Variants in ZSCAN18 observed in about 807,000 individuals in gnomAD.
ZSCAN18 encodes zinc finger and SCAN domain-containing protein 18.
A neutral mutation model predicts 31.1 loss-of-function variants in ZSCAN18; 16 were observed. The ratio of observed to expected loss-of-function variants is 0.51; its 90% CI spans 0.35 to 0.78. The LOEUF is 0.78. Ranked by LOEUF, ZSCAN18 falls within the 30% of genes least tolerant of loss-of-function variation. The pLI is 0.01. For synonymous variants in ZSCAN18, 375 were observed against 320.7 expected (o/e 1.17, Z -1.81); for missense variants, 731 against 697.4 (o/e 1.05, Z -0.54).
Position 58,089,877 on chromosome 19 carries a change from G to A in ZSCAN18, c.391C>T (p.Leu131=), listed in dbSNP as rs1297467468. The change falls in exon 2 of 7, where the codon CTG becomes TTG. Residue 131 remains leucine (L), a synonymous_variant. Transcript: ENST00000601144. ...TGTGACAGCCCACCTGGCTCTTCCA[G>A]GACATCAGCGAGGCCCTCCACCAGG... ...ASLVEGLADV[L]EEPGMLLGSP... 6.2e-7 allele frequency: 1 copy of A among 1,610,076 alleles called. No homozygotes were observed. Among genetic ancestry groups the A allele is most frequent in the Admixed American group, 1.7e-5 (1 of 59,904 alleles).
chr19:58,107,688 G>A lies in ZSCAN18; in HGVS notation c.130+10579C>T, dbSNP rs913579751. 3 of 987,758 alleles carry A rather than the reference G, an allele frequency of 3.0e-6. No homozygotes were observed. The African/African-American group carries it at 5.2e-5, about 17-fold the overall frequency. 61.2% of individuals were successfully genotyped at this position (987,758 alleles called of 1,614,324 possible). A position where few individuals can be genotyped will look rare whatever the true frequency, so the allele number is the denominator to read the frequency against. The stretch of plus-strand genomic sequence containing the variant: ...TCAAACAACATAAACTCTTCAACAT[G>A]AAGTCTCTGACAAAGAGGAGGCAAA... On this transcript the variant is annotated intron_variant, in intron 1 of 1. Transcript: ENST00000595721.
At chr19:58,095,748 C>T (rs533299352) in intron 1 of ZSCAN18, among the ~76,000 whole-genome samples, 4 of 152,294 alleles carry the variant, frequency 2.6e-5, no homozygotes, top group South Asian at 2.1e-4. Flanking sequence ...GGGACAGGAA[C>T]GGGAGCTCCT....
chr19:58,084,666 A>G lies in ZSCAN18; in HGVS notation c.*19T>C, dbSNP rs756069756. 3.4e-6 allele frequency: 5 copies of G among 1,462,048 alleles called. No homozygotes were observed. The highest frequency in any genetic ancestry group is 2.9e-5 in the African/African-American group (2 of 69,310). The allele number at this position is 1,462,048 out of a possible 1,614,324, so 90.6% of individuals were successfully genotyped here. On this transcript the variant is annotated 3_prime_UTR_variant, in exon 7 of 7. Coordinates refer to ENST00000601144, the MANE Select transcript of ZSCAN18 (RefSeq NM_001145543.2). The surrounding 1 kb of genome is among the most constrained non-coding windows in gnomAD (Gnocchi z 4.5). The stretch of plus-strand genomic sequence containing the variant: ...ACGGCCGGCAAAGCGGCCCCTCCGG[A>G]ACGGGACAGCACAGCGGCTCACCTC...
chr19:58,090,241 G>C lies in ZSCAN18; in HGVS notation c.27C>G (p.Ala9=). MLPLEKAF[A]SPRSSPAPPD... ...GCGGGGCTGGGGAGCTCCTGGGGGA[G>C]GCAAACGCCTTCTCCAAAGGCAACA... Residue 9 remains alanine, a synonymous_variant, in exon 2 of 7, where the codon GCC becomes GCG. Coordinates refer to ENST00000601144, the MANE Select transcript of ZSCAN18 (RefSeq NM_001145543.2). This position sits in a 1 kb window ranked among gnomAD's most constrained non-coding sequence, Gnocchi z 4.7. The C allele has an allele frequency of 1.2e-6, 2 of 1,613,526 alleles. No homozygotes were observed. Among genetic ancestry groups the C allele is most frequent in the Non-Finnish European group, 1.7e-6 (2 of 1,180,040 alleles).
chr19:58,088,476 G>A (rs1272599345), intron 3 of ZSCAN18: 3 of 526,372 alleles, frequency 5.7e-6, no homozygotes, highest in African/African-American at 5.6e-5. Flanking sequence ...CACTATTTGT[G>A]GTAAGTATGG....
rs2074383893 is a variant in ZSCAN18 at position 58,090,212 on chromosome 19, T to G, written c.56A>C (p.Asp19Ala). ...GGCTGCTGACCCCGGCGTGGGCAGA[T>G]CCGGCGGGGCTGGGGAGCTCCTGGG... ...ASPRSSPAPP[D>A]LPTPGSAAGV... Residue 19 changes from aspartate (D) to alanine (A), a missense_variant, in exon 2 of 7, where the codon GAT becomes GCT. By Grantham distance (126) the Asp-to-Ala change is moderately radical (BLOSUM62 -2). Transcript: ENST00000601144. This position sits in a 1 kb window ranked among gnomAD's most constrained non-coding sequence, Gnocchi z 4.7. The G allele has an allele frequency of 1.2e-6, 2 of 1,613,616 alleles. No individual in the cohort carries two copies. Among genetic ancestry groups the G allele is most frequent in the South Asian group, 1.1e-5 (1 of 91,082 alleles).
chr19:58,092,855 C>T (rs538578941), intron 1 of ZSCAN18: 38 of 298,376 alleles, frequency 1.3e-4, no homozygotes, highest in Middle Eastern at 1.7e-3. Flanking sequence ...CTTATTGCAG[C>T]CTCAACCTCC....
At chr19:58,092,801 T>TAAGA in intron 1 of ZSCAN18, 3 of 781,860 alleles carry the variant, frequency 3.8e-6, no homozygotes, top group African/African-American at 1.9e-5. Context: ...AAACACAGGG[T>TAAGA]CTTACTCTGT....
intron 1 of ZSCAN18, among the ~76,000 whole-genome samples, chr19:58,091,555 G>A (rs915405536): frequency 1.4e-4 from 21 of 147,920 alleles, no homozygotes; most frequent in African/African-American, 4.9e-4. Context: ...GGGGGGTGGG[G>A]GAGACCACAA....
intron 1 of ZSCAN18, 180 bp downstream of exon 1, chr19:58,097,994 C>G: frequency 1.0e-6 from 1 of 985,834 alleles, no homozygotes; most frequent in Non-Finnish European, 1.2e-6. Flanking sequence ...GCCCCTGCCC[C>G]GCACTCCACG....
intron 1 of ZSCAN18, among the ~76,000 whole-genome samples, chr19:58,103,345 TGAA>T (rs1272133552): frequency 1.3e-5 from 2 of 152,208 alleles, no homozygotes; most frequent in Non-Finnish European, 2.9e-5. Context: ...TTTTACAAGT[TGAA>T]GGTTTGTGGC....
chr19:58,090,208 C>A lies in ZSCAN18; in HGVS notation c.60G>T (p.Leu20=), dbSNP rs144305678. 1,084 of 1,613,700 alleles carry A rather than the reference C, an allele frequency of 6.7e-4. 2 individuals carry two copies. The highest frequency in any genetic ancestry group is 7.4e-4 in the Non-Finnish European group (875 of 1,180,024). ...SPRSSPAPPD[L]PTPGSAAGVQ... ...CTCCGGCTGCTGACCCCGGCGTGGG[C>A]AGATCCGGCGGGGCTGGGGAGCTCC... Residue 20 remains leucine (L), a synonymous_variant, in exon 2 of 7, where the codon CTG becomes CTT. Transcript: ENST00000601144. This position sits in a 1 kb window ranked among gnomAD's most constrained non-coding sequence, Gnocchi z 4.7.
rs7251536 is a variant in ZSCAN18, at chr19:58,109,312, G to C, written c.130+8955C>G. 0.23 allele frequency: 281,657 copies of C among 1,231,256 alleles called. 33,542 individuals carry two copies. Among genetic ancestry groups the C allele is most frequent in the Non-Finnish European group, 0.24 (237,399 of 987,662 alleles). The allele number at this position is 1,231,256 out of a possible 1,614,324, so 76.3% of individuals were successfully genotyped here. ...GACTTTTGTTTCCCAGGCTGGAAAG[G>C]AAAAGGGGAAAATTTTTGAATCCTT... On this transcript the variant is annotated intron_variant, in intron 1 of 1. Transcript: ENST00000595721.
At chr19:58,109,197 T>C (rs1161109092) in intron 1 of ZSCAN18, 2 of 1,231,508 alleles carry the variant, frequency 1.6e-6, no homozygotes, top group African/African-American at 3.1e-5. Flanking sequence ...CTAATGCAGA[T>C]AAAACAGGAA....
chr19:58,115,086 G>A (rs1049247363), intron 1 of ZSCAN18, among the ~76,000 whole-genome samples: 2 of 152,346 alleles, frequency 1.3e-5, no homozygotes, highest in East Asian at 3.9e-4. Flanking sequence ...AAGGCCAGAA[G>A]TGTCAGCCAC....
chr19:58,110,319 C>A, intron 1 of ZSCAN18, among the ~76,000 whole-genome samples: 1 of 152,164 alleles, frequency 6.6e-6, no homozygotes, highest in Non-Finnish European at 1.5e-5. Flanking sequence ...TCTCCACTCC[C>A]ATTACCATTC....
intron 1 of ZSCAN18, among the ~76,000 whole-genome samples, chr19:58,117,304 C>T (rs2146033835): frequency 6.6e-6 from 1 of 152,122 alleles, no homozygotes; most frequent in East Asian, 1.9e-4. Flanking sequence ...GTCTGAGAGG[C>T]CTGTCCCTGG....
At chr19:58,113,793 A>G (rs1270293227) in intron 1 of ZSCAN18, among the ~76,000 whole-genome samples, 1 of 152,180 alleles carries the variant, frequency 6.6e-6, no homozygotes. Flanking sequence ...AGCCTAGGGA[A>G]CATGGTGAAA....
intron 2 of ZSCAN18, among the ~76,000 whole-genome samples, chr19:58,089,060 T>C (rs2074346992): frequency 6.6e-6 from 1 of 151,802 alleles, no homozygotes. Context: ...TCCCAGCACT[T>C]TGGGAGGCCG....
Sources: allele counts gnomAD v4.1 joint callset (sites outside exome capture counted in the v4.1 genomes callset), GRCh38; gene constraint gnomAD v4.1.1; non-coding constraint Gnocchi (gnomAD v3.1); transcripts MANE v1.5; gene names NCBI Gene and HGNC (gene_info 2026-07-23, HGNC 2026-07-21).